The following GPAM variants were observed in gnomAD, a reference collection of about 807,000 sequenced individuals.
The protein encoded by GPAM is glycerol-3-phosphate acyltransferase 1, mitochondrial.
In GPAM, 56 loss-of-function variants were observed where a neutral mutation model predicts 105.0. The ratio of observed to expected loss-of-function variants is 0.53; its 90% CI spans 0.43 to 0.67. GPAM has a LOEUF of 0.67. Ranked by LOEUF, GPAM falls within the 30% of genes least tolerant of loss-of-function variation. The pLI is 0.00. For synonymous variants in GPAM, 368 were observed against 354.4 expected (o/e 1.04, Z -0.43); for missense variants, 855 against 989.8 (o/e 0.86, Z 1.83).
chr10:112,185,487 T>TAAA (rs35521996), upstream of GPAM, among the ~76,000 whole-genome samples: 780 of 140,066 alleles, frequency 5.6e-3, 8 homozygotes, highest in South Asian at 0.011. Flanking sequence ...GAAAAATCTT[T>TAAA]AAAAAAAAAA....
At chr10:112,206,846 AAAG>A (rs1037688514) in intron 1 of GPAM, among the ~76,000 whole-genome samples, 1 of 151,878 alleles carries the variant, frequency 6.6e-6, no homozygotes, top group African/African-American at 2.4e-5. Flanking sequence ...AAAAAAAAAA[AAAG>A]AATCAAAACA....
chr10:112,222,427 C>T, the GPAM span, among the ~76,000 whole-genome samples: 1 of 152,084 alleles, frequency 6.6e-6, no homozygotes, highest in Non-Finnish European at 1.5e-5. Flanking sequence ...CCCTCAATAT[C>T]GTAAGTTTGT....
chr10:112,160,920 A>G (rs976290056), intron 15 of GPAM, 52 bp from the exon 16 acceptor site: 1 of 1,517,770 alleles, frequency 6.6e-7, no homozygotes, highest in Admixed American at 1.7e-5. Context: ...ACTTTCCAAA[A>G]AGCTGAGAGG....
intron 16 of GPAM, 184 bp downstream of exon 16, chr10:112,160,420 T>C: frequency 8.3e-6 from 7 of 843,532 alleles, no homozygotes; most frequent in Non-Finnish European, 1.0e-5. Flanking sequence ...AAACGGTAAT[T>C]CAGTAACTAC....
At chr10:112,167,091 A>G (rs184657276) in intron 11 of GPAM, among the ~76,000 whole-genome samples, 11 of 152,136 alleles carry the variant, frequency 7.2e-5, no homozygotes, top group Non-Finnish European at 4.4e-5. Flanking sequence ...TAGGGTATAC[A>G]TCAAGGACAG....
chr10:112,161,446 T>C (rs1847121402), intron 15 of GPAM, among the ~76,000 whole-genome samples: 2 of 152,232 alleles, frequency 1.3e-5, no homozygotes, highest in South Asian at 4.1e-4. Flanking sequence ...AATAGCTTAG[T>C]ACTATATATA....
chr10:112,227,523 C>T, the GPAM span, among the ~76,000 whole-genome samples: 4 of 152,202 alleles, frequency 2.6e-5, no homozygotes, highest in Admixed American at 6.5e-5. Flanking sequence ...GCCCACTAGG[C>T]CTTCCACAGG....
upstream of GPAM, among the ~76,000 whole-genome samples, chr10:112,187,920 A>G (rs4917628): frequency 0.71 from 108,071 of 151,922 alleles, 38,530 homozygotes; most frequent in South Asian, 0.83. Context: ...TTAACTATTT[A>G]GAAACTCACA....
intron 1 of GPAM, among the ~76,000 whole-genome samples, chr10:112,211,639 A>G (rs1847912341): frequency 6.6e-6 from 1 of 152,182 alleles, no homozygotes; most frequent in Non-Finnish European, 1.5e-5. Flanking sequence ...AAGTTCCACA[A>G]GGGCACGCAG....
Position 112,160,690 on chromosome 10 carries a change from G to A in GPAM, c.1673C>T (p.Thr558Ile), listed in dbSNP as rs371765842. 6.2e-7 allele frequency: 1 copy of A among 1,613,668 alleles called. No homozygotes were observed. The highest frequency in any genetic ancestry group is 8.5e-7 in the Non-Finnish European group (1 of 1,179,574). The change falls in exon 16 of 22, where the codon ACC becomes ATC. Residue 558 changes from threonine to isoleucine, a missense_variant. Coordinates refer to ENST00000348367, the MANE Select transcript of GPAM (RefSeq NM_001244949.2). ...GACTGATGGGACAGTTGTGCTGGGG[G>A]TGATAAAAAACTCATCGTTCCTGCT... ...HTSRNDEFFI[T>I]PSTTVPSVFE...
chr10:112,156,582 T>C, intron 19 of GPAM: 1 of 182,596 alleles, frequency 5.5e-6, no homozygotes, highest in Non-Finnish European at 1.2e-5. Flanking sequence ...GCTCTCACTG[T>C]ACCTACCCAA....
chr10:112,220,923 T>C, the GPAM span, among the ~76,000 whole-genome samples: 4 of 151,666 alleles, frequency 2.6e-5, no homozygotes. Flanking sequence ...ATTCAGAACA[T>C]CTTAGCACCA....
rs751511094 is a variant in GPAM at position 112,166,513 on chromosome 10, G to T, written c.1110C>A (p.Gly370=). The T allele has an allele frequency of 4.1e-5, 64 of 1,569,358 alleles. No individual in the cohort carries two copies. The South Asian group carries it at 7.0e-4, about 17-fold the overall frequency. The part of the protein sequence containing the change: ...IEGHYNGEQL[G]KPKKNESLWS... ...ACAGGCTCTCATTCTTCTTAGGTTT[G>T]CCCTAAATTCCAATAGTGAGAATAA... Residue 370 remains glycine, a splice_region_variant and synonymous_variant, in exon 12 of 22, where the codon GGC becomes GGA. Coordinates refer to ENST00000348367, the MANE Select transcript of GPAM (RefSeq NM_001244949.2).
chr10:112,196,177 T>C (rs1345422310), intron 1 of GPAM, among the ~76,000 whole-genome samples: 1 of 152,212 alleles, frequency 6.6e-6, no homozygotes, highest in African/African-American at 2.4e-5. Flanking sequence ...GGCTAGAGAC[T>C]TATTTTTATT....
chr10:112,157,271 T>A lies in GPAM; in HGVS notation c.2099A>T (p.Glu700Val). ...EEDEDSDFGE[E>V]QRDCYLKVSQ... ...TACCTTCAGGTAGCAATCTCGCTGT[T>A]CCTCCCCAAAGTCACTGTCTTCATC... Residue 700 changes from glutamate (E) to valine (V), a missense_variant, in exon 19 of 22, where the codon GAA becomes GTA. By Grantham distance (121) the Glu-to-Val change is moderately radical (BLOSUM62 -2). Transcript: ENST00000348367. The A allele has an allele frequency of 6.2e-7, 1 of 1,613,982 alleles. No individual in the cohort carries two copies. The highest frequency in any genetic ancestry group is 8.5e-7 in the Non-Finnish European group (1 of 1,179,858).
At chr10:112,223,705 G>A in the GPAM span, among the ~76,000 whole-genome samples, 2 of 152,166 alleles carry the variant, frequency 1.3e-5, no homozygotes, top group South Asian at 2.1e-4. Flanking sequence ...AAACTTTTCT[G>A]AAAAGAACAA....
chr10:112,177,885 T>G (rs1479764452), intron 5 of GPAM, 99 bp downstream of exon 5: 1 of 702,232 alleles, frequency 1.4e-6, no homozygotes, highest in Admixed American at 2.1e-5. Context: ...TTCTATTCAC[T>G]CTCAGTAATG....
upstream of GPAM, among the ~76,000 whole-genome samples, chr10:112,185,575 C>G (rs1339321011): frequency 1.6e-3 from 1 of 628 alleles, no homozygotes; most frequent in African/African-American, 4.5e-3. Flanking sequence ...CACACAGACA[C>G]ACACACACAC....
At chr10:112,170,057 G>A (rs1291971853) in intron 9 of GPAM, among the ~76,000 whole-genome samples, 1 of 152,104 alleles carries the variant, frequency 6.6e-6, no homozygotes, top group African/African-American at 2.4e-5. Context: ...ATATTACAAA[G>A]TAATAATAAT....
Sources: allele counts gnomAD v4.1 joint callset (sites outside exome capture counted in the v4.1 genomes callset), GRCh38; gene constraint gnomAD v4.1.1; transcripts MANE v1.5; gene names NCBI Gene and HGNC (gene_info 2026-07-23, HGNC 2026-07-21).